Variants in IFT80 observed in about 807,000 individuals in gnomAD.
The protein encoded by IFT80 is intraflagellar transport protein 80 homolog.
In IFT80, 79 loss-of-function variants were observed where a neutral mutation model predicts 107.9. The observed-to-expected ratio is 0.73, with a 90% confidence interval of 0.61 to 0.88. IFT80 has a LOEUF of 0.88. IFT80 is among the 40% of genes least tolerant of loss of function. IFT80 has a pLI of 0.00. For missense variants in IFT80, 797 were observed against 914.2 expected (o/e 0.87, Z 1.65); for synonymous variants, 299 against 300.9 (o/e 0.99, Z 0.07).
At chr3:160,342,426 T>C (rs1332956479) in intron 8 of IFT80, among the ~76,000 whole-genome samples, 13 of 152,200 alleles carry the variant, frequency 8.5e-5, no homozygotes, top group Non-Finnish European at 1.6e-4. Context: ...GAGACTATTT[T>C]TTTCCTTCTG....
At chr3:160,328,461 C>CAAAA (rs1236379581) in intron 8 of IFT80, among the ~76,000 whole-genome samples, 7 of 47,882 alleles carry the variant, frequency 1.5e-4, no homozygotes, top group Non-Finnish European at 2.4e-4. Flanking sequence ...GACTCCATCT[C>CAAAA]AAAAAAAAAA....
intron 18 of IFT80, among the ~76,000 whole-genome samples, chr3:160,272,417 G>A (rs1334965323): frequency 1.3e-5 from 2 of 152,156 alleles, no homozygotes; most frequent in Non-Finnish European, 2.9e-5. Context: ...AAATGGTAGG[G>A]TAAGGGTAGA....
At chr3:160,312,112 T>A (rs1224508646) in intron 9 of IFT80, among the ~76,000 whole-genome samples, 1 of 152,130 alleles carries the variant, frequency 6.6e-6, no homozygotes, top group Non-Finnish European at 1.5e-5. Flanking sequence ...AGAACAAGAA[T>A]GCTCTTAGTG....
Position 160,384,346 on chromosome 3 carries a change from G to A in IFT80, c.37+218C>T, listed in dbSNP as rs116294029. 1.5e-3 allele frequency: 1,711 copies of A among 1,107,292 alleles called. 22 individuals carry two copies. The African/African-American group carries it at 0.025, about 16-fold the overall frequency. The allele number at this position is 1,107,292 out of a possible 1,614,324, so 68.6% of individuals were successfully genotyped here. On this transcript the variant is annotated intron_variant, in intron 2 of 19. Coordinates refer to ENST00000326448, the MANE Select transcript of IFT80 (RefSeq NM_020800.3). ...AGTACTTAAGTAGAGTAAGAAAAAC[G>A]TCAGTAAGAATTTTAAAATAAGATT...
chr3:160,280,558 CTGACTGATGTGT>C, intron 15 of IFT80, 97 bp downstream of exon 15: 1 of 869,008 alleles, frequency 1.2e-6, no homozygotes, highest in African/African-American at 1.7e-5. Flanking sequence ...ATCAATAAAT[CTGACTGATGTGT>C]AAAACACCTT....
At chr3:160,300,852 T>C (rs754395758) in intron 12 of IFT80, 31 bp downstream of exon 12, 1 of 1,547,326 alleles carries the variant, frequency 6.5e-7, no homozygotes, top group Non-Finnish European at 8.8e-7. Context: ...AATTTCATAT[T>C]TGACAGGAAA....
intron 9 of IFT80, among the ~76,000 whole-genome samples, chr3:160,316,178 C>T (rs1043131693): frequency 3.3e-5 from 5 of 152,096 alleles, no homozygotes; most frequent in Non-Finnish European, 7.4e-5. Flanking sequence ...TAAAGCAAAC[C>T]ACCAAGTTGT....
intron 12 of IFT80, among the ~76,000 whole-genome samples, chr3:160,300,202 A>C (rs1002053891): frequency 2.2e-4 from 33 of 152,188 alleles, no homozygotes; most frequent in Non-Finnish European, 3.1e-4. Flanking sequence ...ATATTTATTA[A>C]ATTTTAATTT....
intron 11 of IFT80, among the ~76,000 whole-genome samples, chr3:160,302,737 C>A (rs1716537498): frequency 6.6e-6 from 1 of 151,806 alleles, no homozygotes; most frequent in Non-Finnish European, 1.5e-5. Context: ...TTTTAAATGA[C>A]AAAAATGACT....
chr3:160,287,363 G>C (rs1477296142), intron 12 of IFT80, among the ~76,000 whole-genome samples: 1 of 152,158 alleles, frequency 6.6e-6, no homozygotes, highest in Non-Finnish European at 1.5e-5. Context: ...TTAGACTTGT[G>C]GCTGTCATCT....
chr3:160,363,401 G>C (rs58627305), intron 6 of IFT80, among the ~76,000 whole-genome samples: 18,818 of 152,088 alleles, frequency 0.12, 1,938 homozygotes, highest in African/African-American at 0.28. Context: ...CATGCTTATA[G>C]ATACGAGGAA....
At chr3:160,393,777 G>A (rs1713558212) in intron 1 of IFT80, among the ~76,000 whole-genome samples, 1 of 152,142 alleles carries the variant, frequency 6.6e-6, no homozygotes, top group South Asian at 2.1e-4. Flanking sequence ...ACCATGACTT[G>A]TCAACAAGAA....
At chr3:160,360,906 G>A (rs1395344384) in intron 6 of IFT80, among the ~76,000 whole-genome samples, 2 of 152,156 alleles carry the variant, frequency 1.3e-5, no homozygotes, top group East Asian at 3.8e-4. Flanking sequence ...GCAAAAACAT[G>A]CCGAATTGTA....
At chr3:160,369,410 A>T (rs1375368317) in intron 5 of IFT80, among the ~76,000 whole-genome samples, 1 of 151,984 alleles carries the variant, frequency 6.6e-6, no homozygotes, top group Non-Finnish European at 1.5e-5. Context: ...GATCTTTATT[A>T]TAATCATTCC....
chr3:160,276,786 T>C (rs1714299559), intron 18 of IFT80, among the ~76,000 whole-genome samples: 1 of 152,230 alleles, frequency 6.6e-6, no homozygotes. Context: ...TAACATTTGG[T>C]GTCTTTCTTT....
chr3:160,294,965 G>A (rs566805270), intron 12 of IFT80, among the ~76,000 whole-genome samples: 2 of 152,294 alleles, frequency 1.3e-5, no homozygotes, highest in Admixed American at 1.3e-4. Flanking sequence ...TTTAGGGGCT[G>A]CTTAGCAATG....
At chr3:160,333,596 A>T (rs1303591194) in intron 8 of IFT80, among the ~76,000 whole-genome samples, 1 of 152,144 alleles carries the variant, frequency 6.6e-6, no homozygotes, top group Non-Finnish European at 1.5e-5. Context: ...ACACACACAC[A>T]GCCTAGGCCT....
At chr3:160,337,734 GTCTGATGATGT>G (rs1192410314) in intron 8 of IFT80, among the ~76,000 whole-genome samples, 1 of 152,096 alleles carries the variant, frequency 6.6e-6, no homozygotes, top group Non-Finnish European at 1.5e-5. Context: ...TGCTATCAAA[GTCTGATGATGT>G]TCTGATTTTC....
chr3:160,261,464 A>T (rs1226499367), intron 19 of IFT80, among the ~76,000 whole-genome samples: 1 of 147,410 alleles, frequency 6.8e-6, no homozygotes, highest in Non-Finnish European at 1.5e-5. Flanking sequence ...TATATCTAGT[A>T]TGCCAGAAGC....
Sources: allele counts gnomAD v4.1 joint callset (sites outside exome capture counted in the v4.1 genomes callset), GRCh38; gene constraint gnomAD v4.1.1; transcripts MANE v1.5; gene names NCBI Gene and HGNC (gene_info 2026-07-23, HGNC 2026-07-21).